Variants in CCDC13 observed in about 807,000 individuals in gnomAD.
The protein encoded by CCDC13 is coiled-coil domain containing 13.
Under a neutral mutation model 87.3 loss-of-function variants are expected in CCDC13, and 70 were observed. The observed-to-expected ratio is 0.80, with a 90% confidence interval of 0.66 to 0.98. The LOEUF (loss-of-function observed/expected upper bound fraction) is 0.98. CCDC13 is among the 50% of genes least tolerant of loss of function. The pLI is 0.00. For synonymous variants in CCDC13, 317 were observed against 360.3 expected, an observed-to-expected ratio of 0.88 and a Z score of 1.36; for missense variants, 842 against 892.0, an observed-to-expected ratio of 0.94 and a Z score of 0.71.
intron 9 of CCDC13, among the ~76,000 whole-genome samples, chr3:42,737,587 CTTT>C (rs1378757379): frequency 3.3e-5 from 5 of 152,212 alleles, no homozygotes; most frequent in Non-Finnish European, 4.4e-5. Flanking sequence ...TGTTTCCTGA[CTTT>C]TTAATGATTG....
intron 7 of CCDC13, among the ~76,000 whole-genome samples, chr3:42,743,586 T>TA: frequency 7.9e-6 from 1 of 125,934 alleles, no homozygotes; most frequent in Non-Finnish European, 1.7e-5. Flanking sequence ...CCTGGATAAT[T>TA]TTATATATAT....
chr3:42,704,632 G>T (rs936967087), downstream of CCDC13: 12 of 152,470 alleles, frequency 7.9e-5, no homozygotes, highest in African/African-American at 2.6e-4. Flanking sequence ...GGGTCTGCAG[G>T]GAGTGTGGTG....
intron 1 of CCDC13, among the ~76,000 whole-genome samples, chr3:42,766,132 C>T (rs919838742): frequency 3.9e-5 from 6 of 152,104 alleles, no homozygotes; most frequent in Middle Eastern, 3.4e-3. Context: ...GAAACCTAGG[C>T]GGTTTGGGTT....
chr3:42,719,633 G>A (rs1698514522), intron 13 of CCDC13: 2 of 152,094 alleles, frequency 1.3e-5, no homozygotes, highest in South Asian at 4.2e-4. Context: ...CCAGCAAACT[G>A]GTCAGTTACA....
chr3:42,767,974 C>CAA (rs1186547884), intron 1 of CCDC13, among the ~76,000 whole-genome samples: 2 of 120,574 alleles, frequency 1.7e-5, no homozygotes, highest in African/African-American at 6.2e-5. Context: ...AACTCCATCT[C>CAA]AAAAAAAAAA....
At chr3:42,758,091 AC>A in intron 2 of CCDC13, 33 bp downstream of exon 2, 1 of 1,502,702 alleles carries the variant, frequency 6.7e-7, no homozygotes, top group Non-Finnish European at 9.2e-7. Context: ...ACACACACAC[AC>A]ACACCCCTGA....
intron 8 of CCDC13, 101 bp downstream of exon 8, chr3:42,742,795 G>T: frequency 6.9e-7 from 1 of 1,446,450 alleles, no homozygotes; most frequent in East Asian, 2.3e-5. Context: ...CCTAGAAGGG[G>T]TGGCTCAGAC....
intron 1 of CCDC13, among the ~76,000 whole-genome samples, chr3:42,759,342 A>T (rs1699781241): frequency 6.6e-6 from 1 of 152,084 alleles, no homozygotes; most frequent in Non-Finnish European, 1.5e-5. Context: ...ATGTGTACAA[A>T]TGAGTTTTGA....
At chr3:42,750,103 A>C in intron 5 of CCDC13, 1 of 357,714 alleles carries the variant, frequency 2.8e-6, no homozygotes, top group South Asian at 2.0e-5. Context: ...TGGCCACAGA[A>C]TAAAGTCAAA....
At chr3:42,729,185 T>A (rs574556893) in intron 13 of CCDC13, among the ~76,000 whole-genome samples, 12 of 152,298 alleles carry the variant, frequency 7.9e-5, no homozygotes, top group African/African-American at 2.6e-4. Context: ...GTCACCTTTT[T>A]CACACACCCC....
At chr3:42,726,101 G>A (rs1300736730) in intron 13 of CCDC13, among the ~76,000 whole-genome samples, 7 of 152,298 alleles carry the variant, frequency 4.6e-5, no homozygotes, top group African/African-American at 1.4e-4. Context: ...CTGGAGTGGA[G>A]TGGCGTGATC....
intron 1 of CCDC13, among the ~76,000 whole-genome samples, chr3:42,762,128 C>T (rs1342306542): frequency 6.6e-6 from 1 of 152,218 alleles, no homozygotes; most frequent in Non-Finnish European, 1.5e-5. Context: ...GGAGACCAAG[C>T]ATGGGATGGT....
chr3:42,767,818 T>C (rs1699962650), intron 1 of CCDC13, among the ~76,000 whole-genome samples: 2 of 151,796 alleles, frequency 1.3e-5, no homozygotes, highest in Non-Finnish European at 2.9e-5. Context: ...CTACTAAAAA[T>C]ACAAAAATTG....
intron 1 of CCDC13, among the ~76,000 whole-genome samples, chr3:42,761,676 G>C (rs1699834325): frequency 6.6e-6 from 1 of 152,188 alleles, no homozygotes; most frequent in South Asian, 2.1e-4. Context: ...AGACTCCTGT[G>C]CAAAAAGCTT....
At chr3:42,710,375 T>C (rs932987072) in intron 14 of CCDC13, among the ~76,000 whole-genome samples, 2 of 152,084 alleles carry the variant, frequency 1.3e-5, no homozygotes, top group Admixed American at 6.5e-5. Flanking sequence ...TAATTTGTTT[T>C]CAAAAAGAGA....
intron 9 of CCDC13, among the ~76,000 whole-genome samples, chr3:42,738,887 T>C (rs1029208559): frequency 6.6e-6 from 1 of 152,218 alleles, no homozygotes; most frequent in Non-Finnish European, 1.5e-5. Flanking sequence ...ATTTCCTATT[T>C]GAATACCCTT....
chr3:42,767,888 C>T (rs1163823012), intron 1 of CCDC13, among the ~76,000 whole-genome samples: 4 of 151,756 alleles, frequency 2.6e-5, no homozygotes, highest in African/African-American at 4.8e-5. Flanking sequence ...GCAGGAGAAT[C>T]GCTTGAACCC....
chr3:42,722,250 C>T (rs930872113), intron 13 of CCDC13, among the ~76,000 whole-genome samples: 3 of 152,182 alleles, frequency 2.0e-5, no homozygotes, highest in Non-Finnish European at 4.4e-5. Flanking sequence ...GGAGGAATAT[C>T]ATCGCCCCTA....
At chr3:42,756,480 C>A (rs1699706285) in intron 3 of CCDC13, among the ~76,000 whole-genome samples, 1 of 152,154 alleles carries the variant, frequency 6.6e-6, no homozygotes, top group South Asian at 2.1e-4. Context: ...CCAGCCCACA[C>A]CTTGTTGGTG....
Sources: gnomAD v4.1 joint callset for allele counts (sites outside exome capture counted in the v4.1 genomes callset) on GRCh38, gnomAD v4.1.1 for gene constraint, MANE v1.5 for transcripts, NCBI Gene and HGNC (gene_info 2026-07-23, HGNC 2026-07-21) for gene names.